The following GSTCD variants were observed in gnomAD, a reference collection of about 807,000 sequenced individuals.
GSTCD encodes glutathione S-transferase C-terminal domain-containing protein.
A neutral mutation model predicts 68.3 loss-of-function variants in GSTCD; 44 were observed. That is an observed-to-expected ratio of 0.64 (90% CI 0.51 to 0.83). The LOEUF (loss-of-function observed/expected upper bound fraction) is 0.83, where lower values mean the gene tolerates loss of function less well. GSTCD is among the 40% of genes least tolerant of loss of function. The probability of loss-of-function intolerance (pLI) is 0.00; values close to 1 mark genes in which losing one functional copy is unlikely to be tolerated. For synonymous variants in GSTCD, 273 were observed against 255.2 expected (o/e 1.07, Z -0.67); for missense variants, 739 against 735.9 (o/e 1.00, Z -0.05).
chr4:105,743,514 T>C (rs1184324073), intron 5 of GSTCD, among the ~76,000 whole-genome samples: 2 of 152,090 alleles, frequency 1.3e-5, no homozygotes, highest in African/African-American at 2.4e-5. Flanking sequence ...ATAATTGAGA[T>C]TTTTTAGTTT....
rs1244207430 is a variant in GSTCD at position 105,845,810 on chromosome 4, A to AGTCTCG, written c.*238_*239insGGTCTC. 216 of 489,860 alleles carry AGTCTCG rather than the reference A, an allele frequency of 4.4e-4. No individual in the cohort carries two copies. The East Asian group carries it at 7.1e-3, about 16-fold the overall frequency. The allele number at this position is 489,860 out of a possible 1,614,324, so 30.3% of individuals were successfully genotyped here. A position where few individuals can be genotyped will look rare whatever the true frequency, so the allele number is the denominator to read the frequency against. On this transcript the variant is annotated 3_prime_UTR_variant, in exon 12 of 12. Transcript: ENST00000515279. ...GGTTTTTATAGTGAGAATCCCCTGA[A>AGTCTCG]GTCTCAGCTGCCAAAAGAATAATAC...
intron 3 of GSTCD, among the ~76,000 whole-genome samples, chr4:105,726,359 CTG>C (rs1733032786): frequency 2.0e-5 from 3 of 152,128 alleles, no homozygotes; most frequent in South Asian, 2.1e-4. Flanking sequence ...CTGCAACTGA[CTG>C]TGGTAGCAGA....
intron 5 of GSTCD, among the ~76,000 whole-genome samples, chr4:105,736,964 A>T (rs1443402891): frequency 1.3e-5 from 2 of 152,124 alleles, no homozygotes; most frequent in East Asian, 3.8e-4. Flanking sequence ...ATATATATGT[A>T]CCACATTTTC....
intron 3 of GSTCD, among the ~76,000 whole-genome samples, chr4:105,721,487 G>A (rs1732856576): frequency 6.6e-6 from 1 of 152,036 alleles, no homozygotes; most frequent in African/African-American, 2.4e-5. Context: ...TTAGTCGCAG[G>A]AATAAAGTCA....
intron 5 of GSTCD, among the ~76,000 whole-genome samples, chr4:105,803,516 T>C (rs370132102): frequency 2.6e-5 from 4 of 152,046 alleles, no homozygotes; most frequent in African/African-American, 9.7e-5. Context: ...TAAGAAAAGA[T>C]GAAATTATGT....
Position 105,823,088 on chromosome 4 carries a change from C to A in GSTCD, c.1356+19C>A. ...CGGTGGGGTATTTTATCTCTCCTTT[C>A]ATCCTTTTTAGTCTTTCTAAGATTA... On this transcript the variant is annotated intron_variant, in intron 6 of 11. Coordinates refer to ENST00000515279, the MANE Select transcript of GSTCD (RefSeq NM_001370181.1). The A allele has an allele frequency of 6.3e-7, 1 of 1,592,980 alleles. No homozygotes were observed. The highest frequency in any genetic ancestry group is 1.1e-5 in the South Asian group (1 of 90,586).
chr4:105,773,158 G>A (rs1734921272), intron 5 of GSTCD, among the ~76,000 whole-genome samples: 1 of 152,144 alleles, frequency 6.6e-6, no homozygotes, highest in Admixed American at 6.5e-5. Flanking sequence ...GGTGTTCATA[G>A]TATTCTTTTA....
At chr4:105,752,236 G>A (rs1057327608) in intron 5 of GSTCD, among the ~76,000 whole-genome samples, 5 of 152,094 alleles carry the variant, frequency 3.3e-5, no homozygotes, top group African/African-American at 1.2e-4. Flanking sequence ...ACTGTAGCAT[G>A]TGATTAAAAG....
In GSTCD at chr4:105,717,706, A is replaced by T. The variant is rs1200596867; in HGVS notation, c.93A>T (p.Thr31=). ...QTEGCIFPLH[T]SVTLFLLSYC... ...AAGGATGCATCTTTCCTCTTCATAC[A>T]TCTGTAACTTTATTTCTGTTATCTT... Residue 31 remains threonine (T), a synonymous_variant, in exon 2 of 12, where the codon ACA becomes ACT. Transcript: ENST00000515279. 1.2e-6 allele frequency: 2 copies of T among 1,613,108 alleles called. No homozygotes were observed. The highest frequency in any genetic ancestry group is 1.7e-6 in the Non-Finnish European group (2 of 1,179,288).
intron 5 of GSTCD, among the ~76,000 whole-genome samples, chr4:105,768,400 T>G (rs985249457): frequency 6.6e-6 from 1 of 152,208 alleles, no homozygotes; most frequent in Non-Finnish European, 1.5e-5. Context: ...CTTTGTTGTT[T>G]TGAAAATTAG....
In GSTCD at chr4:105,832,598, C is replaced by G. The variant is rs578253760; in HGVS notation, c.1531-1863C>G. Among the ~76,000 whole-genome samples, 8 of 152,274 alleles carry G rather than the reference C, an allele frequency of 5.3e-5. No individual in the cohort carries two copies. In the East Asian group the frequency reaches 1.5e-3, roughly 29 times the overall value. ...GATACATGGGGTCAGGCTTTGAGGTCAGCATCCTGCCCCTCAGTAGCTGTT... is the reference window on the plus strand; with the variant it reads ...GATACATGGGGTCAGGCTTTGAGGTGAGCATCCTGCCCCTCAGTAGCTGTT... On this transcript the variant is annotated intron_variant, in intron 8 of 11. Coordinates refer to ENST00000515279, the MANE Select transcript of GSTCD (RefSeq NM_001370181.1).
intron 5 of GSTCD, among the ~76,000 whole-genome samples, chr4:105,740,781 A>T (rs894158992): frequency 3.3e-5 from 5 of 152,054 alleles, no homozygotes; most frequent in Admixed American, 1.3e-4. Context: ...ACATGCTGGG[A>T]TGAAGGACTG....
intron 1 of GSTCD, among the ~76,000 whole-genome samples, chr4:105,710,303 A>G (rs1732489086): frequency 7.7e-6 from 1 of 129,598 alleles, no homozygotes; most frequent in Non-Finnish European, 1.5e-5. Context: ...CAATGGCAAC[A>G]TCCGCCTCCC....
At chr4:105,773,229 T>C (rs1054743377) in intron 5 of GSTCD, among the ~76,000 whole-genome samples, 1 of 152,326 alleles carries the variant, frequency 6.6e-6, no homozygotes, top group African/African-American at 2.4e-5. Context: ...TTATCATGTC[T>C]GTTTGATTCT....
At chr4:105,818,830 T>C (rs1013548361) in intron 5 of GSTCD, among the ~76,000 whole-genome samples, 1 of 151,692 alleles carries the variant, frequency 6.6e-6, no homozygotes, top group Non-Finnish European at 1.5e-5. Flanking sequence ...TTCAAAATGG[T>C]TTAATGAGTT....
chr4:105,714,786 G>A (rs1258735561), intron 1 of GSTCD, among the ~76,000 whole-genome samples: 1 of 151,924 alleles, frequency 6.6e-6, no homozygotes, highest in Non-Finnish European at 1.5e-5. Flanking sequence ...ATATCACCAT[G>A]GGCAGGTTAT....
At chr4:105,828,955 A>G (rs1723781652) in intron 8 of GSTCD, among the ~76,000 whole-genome samples, 2 of 152,158 alleles carry the variant, frequency 1.3e-5, no homozygotes, top group African/African-American at 4.8e-5. Flanking sequence ...AGAGGCACCA[A>G]GTATAGAGAT....
At chr4:105,729,530 C>G (rs762306428) in intron 5 of GSTCD, 31 bp downstream of exon 5, 5 of 1,437,044 alleles carry the variant, frequency 3.5e-6, no homozygotes, top group Admixed American at 1.7e-5. Flanking sequence ...AAGTTTTATT[C>G]ATACTTTGGA....
chr4:105,842,611 C>T lies in GSTCD; in HGVS notation c.1765+477C>T, dbSNP rs150071908. Among the ~76,000 whole-genome samples, 17 of 152,204 alleles carry T rather than the reference C, an allele frequency of 1.1e-4. No homozygotes were observed. In the East Asian group the frequency reaches 2.7e-3, roughly 24 times the overall value. On this transcript the variant is annotated intron_variant, in intron 11 of 11. Coordinates refer to ENST00000515279, the MANE Select transcript of GSTCD (RefSeq NM_001370181.1). The stretch of plus-strand genomic sequence containing the variant: ...AAATATTACCTAAATTGGAAGACCA[C>T]AGAAACATTTCAAGTTTAATAAGTA...
Sources: gnomAD v4.1 joint callset for allele counts (sites outside exome capture counted in the v4.1 genomes callset) on GRCh38, gnomAD v4.1.1 for gene constraint, MANE v1.5 for transcripts, NCBI Gene and HGNC (gene_info 2026-07-23, HGNC 2026-07-21) for gene names.